The following PLXNA2 variants were observed in gnomAD, a reference collection of about 807,000 sequenced individuals.
PLXNA2 encodes plexin-A2.
Under a neutral mutation model 193.5 loss-of-function variants are expected in PLXNA2, and 91 were observed. That is an observed-to-expected ratio of 0.47 (90% CI 0.40 to 0.56). PLXNA2 has a LOEUF of 0.56. PLXNA2 is among the 20% of genes least tolerant of loss of function. PLXNA2 has a pLI of 0.00. For missense variants in PLXNA2, 1,995 were observed against 2,503.2 expected (o/e 0.80, Z 4.33); for synonymous variants, 997 against 1,027.3 (o/e 0.97, Z 0.56).
intron 27 of PLXNA2, among the ~76,000 whole-genome samples, chr1:208,033,992 G>T (rs1170861895): frequency 1.3e-5 from 2 of 152,156 alleles, no homozygotes; most frequent in African/African-American, 4.8e-5. Context: ...TGGTTGAGAA[G>T]CCCAAGGCCT....
chr1:208,230,203 CT>C, intron 1 of PLXNA2: 1 of 152,228 alleles, frequency 6.6e-6, no homozygotes, highest in East Asian at 1.9e-4. Flanking sequence ...TGGTGACAAA[CT>C]CCGAGGGTTC....
intron 21 of PLXNA2, among the ~76,000 whole-genome samples, chr1:208,042,678 G>C (rs1664912929): frequency 6.6e-6 from 1 of 152,182 alleles, no homozygotes; most frequent in African/African-American, 2.4e-5. Flanking sequence ...CAGTTTACTA[G>C]TCTCCCCTTA....
At chr1:208,232,792 G>A (rs780710664) in intron 1 of PLXNA2, among the ~76,000 whole-genome samples, 6 of 152,194 alleles carry the variant, frequency 3.9e-5, no homozygotes, top group Admixed American at 6.5e-5. Context: ...CACCCTGCTC[G>A]GTGGAGACTG....
intron 9 of PLXNA2, among the ~76,000 whole-genome samples, chr1:208,085,465 G>A (rs1466645880): frequency 6.6e-6 from 1 of 152,234 alleles, no homozygotes; most frequent in Non-Finnish European, 1.5e-5. Flanking sequence ...TTCTGGGAAT[G>A]TCTGGGGGCT....
chr1:208,076,155 A>C (rs1666141987), intron 12 of PLXNA2, among the ~76,000 whole-genome samples: 1 of 150,838 alleles, frequency 6.6e-6, no homozygotes. Context: ...GTAGCCTCGG[A>C]CTTCTGGAAT....
At chr1:208,029,581 C>A (rs1490516305) in intron 29 of PLXNA2, 3 of 990,590 alleles carry the variant, frequency 3.0e-6, no homozygotes, top group Admixed American at 5.7e-5. Flanking sequence ...ATGGGCTCCC[C>A]TGGGGGAAGT....
intron 2 of PLXNA2, 116 bp downstream of exon 2, chr1:208,216,619 A>G: frequency 8.1e-7 from 1 of 1,239,718 alleles, no homozygotes; most frequent in Non-Finnish European, 1.1e-6. Flanking sequence ...GAGTCTGAAA[A>G]CCTCTTTCAT....
chr1:208,219,894 C>G (rs759744401), intron 1 of PLXNA2, among the ~76,000 whole-genome samples: 55 of 152,222 alleles, frequency 3.6e-4, no homozygotes, highest in Non-Finnish European at 7.5e-4. Flanking sequence ...TCCCAACAGA[C>G]AGGGCTTTCA....
At chr1:208,052,736 A>G (rs1365006954) in intron 14 of PLXNA2, among the ~76,000 whole-genome samples, 1 of 152,156 alleles carries the variant, frequency 6.6e-6, no homozygotes, top group Non-Finnish European at 1.5e-5. Flanking sequence ...AAGGGAAAGC[A>G]GAGGTGACAC....
chr1:208,135,690 G>A (rs187882764), intron 4 of PLXNA2, among the ~76,000 whole-genome samples: 29 of 152,332 alleles, frequency 1.9e-4, no homozygotes, highest in Non-Finnish European at 3.4e-4. Flanking sequence ...TGATGGGGCA[G>A]CTAAACAGGG....
At chr1:208,123,752 C>T (rs970682114) in intron 4 of PLXNA2, among the ~76,000 whole-genome samples, 4 of 152,156 alleles carry the variant, frequency 2.6e-5, no homozygotes, top group South Asian at 2.1e-4. Flanking sequence ...CCTTAGGATG[C>T]GGGAAAGCAG....
Position 208,023,458 on chromosome 1 carries a change from A to T in PLXNA2, c.*3785T>A, listed in dbSNP as rs1664246615. 6.5e-6 allele frequency: 1 copy of T among 152,766 alleles called. No individual in the cohort carries two copies. The highest frequency in any genetic ancestry group is 1.5e-5 in the Non-Finnish European group (1 of 68,156). 9.5% of individuals were successfully genotyped at this position (152,766 alleles called of 1,614,324 possible). On this transcript the variant is annotated 3_prime_UTR_variant, in exon 32 of 32. Transcript: ENST00000367033. ...CATCCATTGCTTCTGTTTCACGCTC[A>T]GCAGGGCCAGGGGTCTTGACTGCTA...
chr1:208,079,079 T>TA (rs1666246549), intron 12 of PLXNA2, among the ~76,000 whole-genome samples, 181 bp downstream of exon 12: 1 of 152,168 alleles, frequency 6.6e-6, no homozygotes, highest in African/African-American at 2.4e-5. Flanking sequence ...TCCATACACT[T>TA]ACCTCTTATA....
At chr1:208,075,940 C>T (rs1277543098) in intron 12 of PLXNA2, among the ~76,000 whole-genome samples, 1 of 150,438 alleles carries the variant, frequency 6.6e-6, no homozygotes, top group Non-Finnish European at 1.5e-5. Context: ...TGCCTGTTGT[C>T]CCAGCTACTC....
rs1665236305 is a variant in PLXNA2, at chr1:208,050,878, T to G, written c.3255+131A>C. 6 of 671,410 alleles carry G rather than the reference T, an allele frequency of 8.9e-6. No homozygotes were observed. In the Admixed American group the frequency reaches 1.1e-4, roughly 12 times the overall value. 41.6% of individuals were successfully genotyped at this position (671,410 alleles called of 1,614,324 possible). A position where few individuals can be genotyped will look rare whatever the true frequency, so the allele number is the denominator to read the frequency against. The stretch of plus-strand genomic sequence containing the variant: ...AGGTATTTGGACCATGATTCCAGGC[T>G]CAGAGTCTTAAGCCAGTTTTCCTCT... On this transcript the variant is annotated intron_variant, in intron 17 of 31. Transcript: ENST00000367033.
rs190023358 is a variant in PLXNA2 at position 208,165,991 on chromosome 1, T to G, written c.1372-23528A>C. Reference sequence around the variant, plus strand: ...GGCTCTTTCTTCCATACCGATGAACTGAGAGTTACTTCCCATGCGTAGGCC... The same window carrying G: ...GGCTCTTTCTTCCATACCGATGAACGGAGAGTTACTTCCCATGCGTAGGCC... On this transcript the variant is annotated intron_variant, in intron 3 of 31. Coordinates refer to ENST00000367033, the MANE Select transcript of PLXNA2 (RefSeq NM_025179.4). Among the ~76,000 whole-genome samples the G allele has an allele frequency of 1.8e-3, 275 of 152,300 alleles. 1 individual carries two copies. Among genetic ancestry groups the G allele is most frequent in the Non-Finnish European group, 3.0e-3 (204 of 68,016 alleles).
At chr1:208,189,947 C>T (rs1192578386) in intron 3 of PLXNA2, among the ~76,000 whole-genome samples, 1 of 152,128 alleles carries the variant, frequency 6.6e-6, no homozygotes, top group East Asian at 1.9e-4. Flanking sequence ...AATATCTCCA[C>T]CCTCTTCCCA....
chr1:208,212,666 C>T (rs368428028), intron 2 of PLXNA2, among the ~76,000 whole-genome samples: 1 of 152,212 alleles, frequency 6.6e-6, no homozygotes, highest in Admixed American at 6.5e-5. Context: ...CCTCTCCCTC[C>T]CCTGCCTGCA....
chr1:208,119,117 C>A (rs764728135), intron 4 of PLXNA2, among the ~76,000 whole-genome samples: 1 of 152,146 alleles, frequency 6.6e-6, no homozygotes, highest in Non-Finnish European at 1.5e-5. Flanking sequence ...GGCATCAATA[C>A]TGCTATTTAG....
Sources: allele counts gnomAD v4.1 joint callset (sites outside exome capture counted in the v4.1 genomes callset), GRCh38; gene constraint gnomAD v4.1.1; transcripts MANE v1.5; gene names NCBI Gene and HGNC (gene_info 2026-07-23, HGNC 2026-07-21).